The following NTM variants were observed in gnomAD, a reference collection of about 807,000 sequenced individuals.
NTM encodes the protein IgLON family member 2.
In NTM, 13 loss-of-function variants were observed where a neutral mutation model predicts 42.1. That is an observed-to-expected ratio of 0.31 (90% confidence interval 0.20 to 0.49). The LOEUF is 0.49. Among genes scored for constraint, NTM ranks in the 20% least tolerant of loss-of-function variants. The pLI, the probability that NTM is intolerant of heterozygous loss-of-function variation, is 0.99. For missense variants in NTM, 373 were observed against 452.8 expected, an observed-to-expected ratio of 0.82 and a Z score of 1.60; for synonymous variants, 187 against 179.2, an observed-to-expected ratio of 1.04 and a Z score of -0.35.
intron 4 of NTM, among the ~76,000 whole-genome samples, chr11:132,271,420 G>T (rs2093469805): frequency 6.6e-6 from 1 of 152,154 alleles, no homozygotes; most frequent in African/African-American, 2.4e-5. Context: ...ACCTAGGAGT[G>T]GAATAGCTGG....
chr11:131,539,588 T>C (rs1476580870), intron 1 of NTM: 3 of 152,218 alleles, frequency 2.0e-5, no homozygotes, highest in African/African-American at 7.2e-5. Context: ...CCTAATTCCA[T>C]GGGACCATTT....
At chr11:131,564,461 G>A (rs1242426517) in intron 1 of NTM, among the ~76,000 whole-genome samples, 4 of 151,324 alleles carry the variant, frequency 2.6e-5, no homozygotes, top group Non-Finnish European at 5.9e-5. Context: ...AGAGAGGGAG[G>A]GAGAGAGAGA....
intron 1 of NTM, among the ~76,000 whole-genome samples, chr11:131,625,555 G>C (rs1287822273): frequency 6.6e-6 from 1 of 151,978 alleles, no homozygotes; most frequent in Non-Finnish European, 1.5e-5. Flanking sequence ...TAGAAGAAAG[G>C]CTTCATTTTT....
intron 3 of NTM, among the ~76,000 whole-genome samples, chr11:132,198,946 T>C (rs1168143499): frequency 2.0e-5 from 3 of 152,200 alleles, no homozygotes; most frequent in Admixed American, 2.0e-4. Flanking sequence ...TGTGTTTAGC[T>C]AGGACTAAAT....
chr11:131,413,891 G>A (rs1946682804), intron 1 of NTM, among the ~76,000 whole-genome samples: 1 of 152,098 alleles, frequency 6.6e-6, no homozygotes, highest in African/African-American at 2.4e-5. Flanking sequence ...GACGAGGAGG[G>A]CAGGGGAGAC....
At chr11:131,484,086 G>A (rs1403014680) in intron 1 of NTM, among the ~76,000 whole-genome samples, 2 of 152,136 alleles carry the variant, frequency 1.3e-5, no homozygotes, top group East Asian at 1.9e-4. Flanking sequence ...GAGTCCCAGG[G>A]GGCACATTGT....
At chr11:131,770,657 C>G (rs1261243984) in intron 1 of NTM, 1 of 152,190 alleles carries the variant, frequency 6.6e-6, no homozygotes, top group East Asian at 1.9e-4. Flanking sequence ...GCAGAAATCC[C>G]TAAATTCTGA....
chr11:131,855,551 A>T (rs1255550003), intron 1 of NTM, among the ~76,000 whole-genome samples: 1 of 152,194 alleles, frequency 6.6e-6, no homozygotes, highest in Non-Finnish European at 1.5e-5. Flanking sequence ...AAACTACCAC[A>T]TCATTTTCCT....
intron 1 of NTM, among the ~76,000 whole-genome samples, chr11:131,511,457 C>G (rs2048237324): frequency 6.6e-6 from 1 of 152,240 alleles, no homozygotes; most frequent in Non-Finnish European, 1.5e-5. Flanking sequence ...AACTCCAGCA[C>G]ACCCCCTCAT....
At chr11:131,859,616 G>GAAAGA (rs2046419291) in intron 1 of NTM, among the ~76,000 whole-genome samples, 1 of 151,942 alleles carries the variant, frequency 6.6e-6, no homozygotes, top group Non-Finnish European at 1.5e-5. Flanking sequence ...TCTGTGACTT[G>GAAAGA]GCTACTTTCT....
chr11:131,829,433 T>C (rs895829340), intron 1 of NTM, among the ~76,000 whole-genome samples: 10 of 152,170 alleles, frequency 6.6e-5, no homozygotes, highest in Admixed American at 2.0e-4. Flanking sequence ...AGTGAGAACA[T>C]GCAGCATTTG....
At chr11:132,111,016 A>G (rs906235726) in intron 2 of NTM, among the ~76,000 whole-genome samples, 3 of 136,146 alleles carry the variant, frequency 2.2e-5, no homozygotes, top group African/African-American at 8.1e-5. Flanking sequence ...ATGAGCCATG[A>G]TTGTGCCACT....
rs142026879 is a variant in NTM, at chr11:131,646,263, G to T, written c.83-265301G>T. 3.8e-3 allele frequency among the ~76,000 whole-genome samples: 584 copies of T among 152,314 alleles called. 3 individuals carry two copies. Among genetic ancestry groups the T allele is most frequent in the Non-Finnish European group, 5.9e-3 (402 of 68,028 alleles). ...GCTATCATGAGACAACAGCAGAGCT[G>T]AATAGTTGAATCAGAGAATAGAGGG... is the stretch of plus-strand genomic sequence containing the variant. On this transcript the variant is annotated intron_variant, in intron 1 of 8. Transcript: ENST00000683400.
chr11:131,871,712 C>T (rs2047804292), intron 1 of NTM, among the ~76,000 whole-genome samples: 1 of 152,128 alleles, frequency 6.6e-6, no homozygotes, highest in South Asian at 2.1e-4. Context: ...CTCCTCTCTC[C>T]CTCCCCTCTA....
At chr11:132,117,908 C>A (rs1310730948) in intron 2 of NTM, among the ~76,000 whole-genome samples, 1 of 152,186 alleles carries the variant, frequency 6.6e-6, no homozygotes, top group Non-Finnish European at 1.5e-5. Context: ...GGTATCTGTC[C>A]AGTTCCTTGT....
rs542627600 is a variant in NTM, at chr11:132,067,024, A to T, written c.168-79258A>T. Among the ~76,000 whole-genome samples the T allele has an allele frequency of 2.0e-5, 3 of 152,218 alleles. No homozygotes were observed. In the East Asian group the frequency reaches 5.8e-4, roughly 29 times the overall value. ...GGCAGGAGTGCAGTGGCACAGTAAC[A>T]GCTCACTGCAGCCTTGACCTCCTAG... On this transcript the variant is annotated intron_variant, in intron 2 of 8. Transcript: ENST00000683400.
intron 3 of NTM, among the ~76,000 whole-genome samples, chr11:132,151,479 G>T (rs1369396272): frequency 6.6e-6 from 1 of 152,166 alleles, no homozygotes; most frequent in African/African-American, 2.4e-5. Flanking sequence ...ACATTTGTAT[G>T]ACAGAGAACA....
At chr11:132,035,267 G>A (rs1223211343) in intron 2 of NTM, among the ~76,000 whole-genome samples, 1 of 152,136 alleles carries the variant, frequency 6.6e-6, no homozygotes, top group Non-Finnish European at 1.5e-5. Context: ...CCAGTCATTG[G>A]CAATTAATTA....
chr11:131,804,401 C>T (rs2092360554), intron 1 of NTM, among the ~76,000 whole-genome samples: 1 of 152,170 alleles, frequency 6.6e-6, no homozygotes, highest in African/African-American at 2.4e-5. Context: ...CTACTCTGGT[C>T]TATCTCAAGC....
Sources: allele counts gnomAD v4.1 joint callset (sites outside exome capture counted in the v4.1 genomes callset), GRCh38; gene constraint gnomAD v4.1.1; transcripts MANE v1.5; gene names NCBI Gene and HGNC (gene_info 2026-07-23, HGNC 2026-07-21).